BUB1: variants seen among roughly 807,000 people sequenced by gnomAD.
The protein encoded by BUB1 is BUB1 mitotic checkpoint serine/threonine kinase.
BUB1 carries 84 observed loss-of-function variants against 135.2 expected under a neutral mutation model. The observed-to-expected ratio is 0.62, with a 90% CI of 0.52 to 0.74. The LOEUF is 0.74. Ranked by LOEUF, BUB1 falls within the 30% of genes least tolerant of loss-of-function variation. The probability of loss-of-function intolerance (pLI) is 0.00; values close to 1 mark genes in which losing one functional copy is unlikely to be tolerated. For missense variants in BUB1, 1,162 were observed against 1,288.3 expected, an observed-to-expected ratio of 0.90 and a Z score of 1.50; for synonymous variants, 403 against 434.4, an observed-to-expected ratio of 0.93 and a Z score of 0.90.
chr2:110,651,652 G>A (rs566004366), intron 17 of BUB1, among the ~76,000 whole-genome samples: 3 of 152,072 alleles, frequency 2.0e-5, no homozygotes, highest in South Asian at 2.1e-4. Context: ...AGGCCCTCAC[G>A]TTCACTCACC....
rs781189855 is a variant in BUB1 at position 110,669,508 on chromosome 2, ATT to A, written c.510_511del (p.Gln170HisfsTer11). The A allele has an allele frequency of 2.9e-5, 47 of 1,609,836 alleles. No homozygotes were observed. Among genetic ancestry groups the A allele is most frequent in the Non-Finnish European group, 3.7e-5 (43 of 1,176,292 alleles). ...TCCTGGATTTGATTTTGATGTTATC[ATT>A]TGATTTAAAACCTGAACATTATGCA... On this transcript the variant is annotated frameshift_variant, in exon 6 of 25. Transcript: ENST00000302759. LOFTEE classifies it high-confidence loss of function.
chr2:110,676,322 T>C (rs562606885), intron 1 of BUB1, among the ~76,000 whole-genome samples: 106 of 152,240 alleles, frequency 7.0e-4, no homozygotes, highest in African/African-American at 2.5e-3. Flanking sequence ...ACTCATCAGA[T>C]TGGCAAAACT....
At chr2:110,671,579 A>G (rs1417630053) in intron 4 of BUB1, among the ~76,000 whole-genome samples, 1 of 152,244 alleles carries the variant, frequency 6.6e-6, no homozygotes, top group Non-Finnish European at 1.5e-5. Flanking sequence ...GGAAGAGTAA[A>G]CAATTGGTAT....
chr2:110,671,845 T>C (rs1426395131), intron 4 of BUB1, among the ~76,000 whole-genome samples: 2 of 152,216 alleles, frequency 1.3e-5, no homozygotes, highest in African/African-American at 4.8e-5. Flanking sequence ...TTTCTTTCGT[T>C]TTCTGTATTT....
rs996799766 is a variant in BUB1, at chr2:110,664,650, G to A, written c.957+1613C>T. On this transcript the variant is annotated intron_variant, in intron 9 of 24. Transcript: ENST00000302759. ...AATGAGGACAGTAAGGAGAGATAAC[G>A]ACATGGGAACCAGGGATATACCACA... Among the ~76,000 whole-genome samples the A allele has an allele frequency of 4.7e-5, 7 of 147,810 alleles. No homozygotes were observed. In the East Asian group the frequency reaches 7.9e-4, roughly 17 times the overall value.
intron 8 of BUB1, 27 bp from the exon 9 acceptor site, chr2:110,666,441 A>G: frequency 7.5e-7 from 1 of 1,330,950 alleles, no homozygotes; most frequent in Non-Finnish European, 9.7e-7. Flanking sequence ...AATGGTTTGC[A>G]TGCAAAATTT....
chr2:110,662,062 C>G, intron 9 of BUB1: 1 of 512,180 alleles, frequency 2.0e-6, no homozygotes, highest in Non-Finnish European at 3.4e-6. Context: ...ACCACAGACA[C>G]CATCAGCAGC....
intron 19 of BUB1, 172 bp from the exon 20 acceptor site, chr2:110,642,406 A>G: frequency 2.2e-6 from 1 of 452,912 alleles, no homozygotes; most frequent in Non-Finnish European, 4.0e-6. Flanking sequence ...TCAATCAACC[A>G]AAGTAGTATG....
rs1293164922 is a variant in BUB1, at chr2:110,648,822, TC to T, written c.2347+411del. On this transcript the variant is annotated intron_variant, in intron 19 of 24. Transcript: ENST00000302759. The surrounding 1 kb of genome is among the most constrained non-coding windows in gnomAD (Gnocchi z 4.2). ...AATTGTGGCATATAATACATACGGC[TC>T]TGCCCTTTTAACAGTATGGTATGTT... The T allele has an allele frequency of 6.6e-6, 1 of 152,640 alleles. No homozygotes were observed. Among genetic ancestry groups the T allele is most frequent in the Non-Finnish European group, 1.5e-5 (1 of 68,346 alleles). The allele number at this position is 152,640 out of a possible 1,614,324, so 9.5% of individuals were successfully genotyped here. A position where few individuals can be genotyped will look rare whatever the true frequency, so the allele number is the denominator to read the frequency against.
Position 110,661,789 on chromosome 2 carries a change from G to A in BUB1, c.1010C>T (p.Ala337Val), listed in dbSNP as rs548365437. ...PSVGSQQELR[A>V]PCLPVTYQQT... ...CTGATAGGTTACTGGAAGACATGGCGCTCTCAGTTCCTGCTGGGAGCCTAC... is the reference window on the plus strand; with the variant it reads ...CTGATAGGTTACTGGAAGACATGGCACTCTCAGTTCCTGCTGGGAGCCTAC... The change falls in exon 10 of 25, where the codon GCG becomes GTG. Residue 337 changes from alanine to valine, a missense_variant. Transcript: ENST00000302759. 1.3e-4 allele frequency: 203 copies of A among 1,614,156 alleles called. 3 individuals carry two copies. In the South Asian group the frequency reaches 2.0e-3, roughly 16 times the overall value.
intron 19 of BUB1, 75 bp from the exon 20 acceptor site, chr2:110,642,309 C>A: frequency 9.8e-7 from 1 of 1,023,566 alleles, no homozygotes; most frequent in Non-Finnish European, 1.4e-6. Flanking sequence ...AAAGAAGTTA[C>A]AAAGACATAG....
chr2:110,662,636 C>CA (rs920877588), intron 9 of BUB1, among the ~76,000 whole-genome samples: 41 of 152,048 alleles, frequency 2.7e-4, no homozygotes, highest in Non-Finnish European at 5.3e-4. Context: ...CCTGTCTCTA[C>CA]AAAAAAATAC....
intron 6 of BUB1, 73 bp from the exon 7 acceptor site, chr2:110,667,922 C>A: frequency 6.8e-7 from 1 of 1,463,404 alleles, no homozygotes; most frequent in South Asian, 1.2e-5. Flanking sequence ...CTTCACAAAA[C>A]AATATGAAAA....
Position 110,648,590 on chromosome 2 carries a change from A to C in BUB1, c.2347+644T>G, listed in dbSNP as rs1689703888. ...CATCAACATTGGCTTAATTTTAACAAATGTACCACACTCATGCAAGATGTT... is the reference window on the plus strand; with the variant it reads ...CATCAACATTGGCTTAATTTTAACACATGTACCACACTCATGCAAGATGTT... On this transcript the variant is annotated intron_variant, in intron 19 of 24. Coordinates refer to ENST00000302759, the MANE Select transcript of BUB1 (RefSeq NM_004336.5). The surrounding 1 kb of genome is among the most constrained non-coding windows in gnomAD (Gnocchi z 4.2). 6.6e-6 allele frequency among the ~76,000 whole-genome samples: 1 copy of C among 152,200 alleles called. No homozygotes were observed. The highest frequency in any genetic ancestry group is 1.5e-5 in the Non-Finnish European group (1 of 68,028).
At position 110,658,540 on chromosome 2, in the gene BUB1, A is replaced by T. The variant is rs916474671; in HGVS notation, c.1406-20T>A. 1.2e-6 allele frequency: 2 copies of T among 1,613,478 alleles called. No individual in the cohort carries two copies. The highest frequency in any genetic ancestry group is 2.7e-5 in the African/African-American group (2 of 74,884). Reference sequence around the variant, plus strand: ...TGAAACCTTAAAGAACAAAAAGAATAATTGTAAACAGGTTGCAAAAGAGCT... The same window carrying T: ...TGAAACCTTAAAGAACAAAAAGAATTATTGTAAACAGGTTGCAAAAGAGCT... On this transcript the variant is annotated intron_variant, in intron 12 of 24. Coordinates refer to ENST00000302759, the MANE Select transcript of BUB1 (RefSeq NM_004336.5).
rs1393899850 is a variant in BUB1 at position 110,641,083 on chromosome 2, G to C, written c.2906C>G (p.Ser969Cys). The change falls in exon 23 of 25, where the codon TCT (serine) becomes TGT (cysteine). Residue 969 changes from serine (S) to cysteine (C), a missense_variant. Coordinates refer to ENST00000302759, the MANE Select transcript of BUB1 (RefSeq NM_004336.5). The part of the protein sequence containing the change: ...GTIFTAKCET[S>C]GFQCVEMLSN... ...GAGCATCTCAACACACTGAAAACCA[G>C]ATGTTTCACACTTTGCTGTGAATAT... The C allele has an allele frequency of 6.2e-7, 1 of 1,610,922 alleles. No homozygotes were observed. Among genetic ancestry groups the C allele is most frequent in the South Asian group, 1.1e-5 (1 of 90,126 alleles).
intron 2 of BUB1, 28 bp from the exon 3 acceptor site, chr2:110,674,252 T>G: frequency 6.2e-7 from 1 of 1,612,426 alleles, no homozygotes; most frequent in Non-Finnish European, 8.5e-7. Flanking sequence ...ATGTTAATTT[T>G]CCATGGGGCA....
At chr2:110,638,310 A>G (rs960981019) in intron 24 of BUB1, 151 bp from the exon 25 acceptor site, 4 of 506,834 alleles carry the variant, frequency 7.9e-6, no homozygotes, top group Non-Finnish European at 1.3e-5. Context: ...TGGAAACACT[A>G]TATCTATTAT....
At position 110,641,146 on chromosome 2, in the gene BUB1, C is replaced by T; in HGVS notation, c.2843G>A (p.Gly948Asp). The T allele has an allele frequency of 6.2e-7, 1 of 1,613,104 alleles. No homozygotes were observed. Among genetic ancestry groups the T allele is most frequent in the Non-Finnish European group, 8.5e-7 (1 of 1,179,712 alleles). ...AAAAAGTTTCATATCTATACTCTGA[C>T]CCAGGTCAATCAGTGCCAAGCCAGC... ...LSAGLALIDL[G>D]QSIDMKLFPK... is the part of the protein sequence containing the mutation. The change falls in exon 23 of 25, where the codon GGT (glycine) becomes GAT (aspartate). Residue 948 changes from glycine to aspartate, a missense_variant. Gly to Asp is a moderately conservative substitution (Grantham distance 94). Coordinates refer to ENST00000302759, the MANE Select transcript of BUB1 (RefSeq NM_004336.5).
Sources: gnomAD v4.1 joint callset for allele counts (sites outside exome capture counted in the v4.1 genomes callset) on GRCh38, gnomAD v4.1.1 for gene constraint, Gnocchi (gnomAD v3.1) non-coding constraint, MANE v1.5 for transcripts, NCBI Gene and HGNC (gene_info 2026-07-23, HGNC 2026-07-21) for gene names.